Variants in CMTM4 observed in about 807,000 individuals in gnomAD.
The protein encoded by CMTM4 is CKLF-like MARVEL transmembrane domain-containing protein 4.
In CMTM4, 8 loss-of-function variants were observed where a neutral mutation model predicts 19.0. The observed-to-expected ratio is 0.42, with a 90% CI of 0.25 to 0.76. The LOEUF (loss-of-function observed/expected upper bound fraction) is 0.76. Among genes scored for constraint, CMTM4 ranks in the 30% least tolerant of loss-of-function variants. The pLI, the probability that CMTM4 is intolerant of heterozygous loss-of-function variation, is 0.27. For missense variants in CMTM4, 228 were observed against 290.2 expected, an observed-to-expected ratio of 0.79 and a Z score of 1.56; for synonymous variants, 106 against 121.1, an observed-to-expected ratio of 0.88 and a Z score of 0.82.
In CMTM4 at chr16:66,636,520, C is replaced by A. The variant is rs1268546730; in HGVS notation, c.248G>T (p.Gly83Val). Residue 83 changes from glycine to valine, a missense_variant, in exon 2 of 4, where the codon GGC (glycine) becomes GTC (valine). By Grantham distance (109) the Gly-to-Val change is moderately radical. Coordinates refer to ENST00000394106, the MANE Select transcript of CMTM4 (RefSeq NM_181521.3). ...ETIMACSPCE[G>V]LYFFEFVSCS... Reference sequence around the variant, plus strand: ...GCTCACAAACTCAAAAAAGTAGAGGCCTTCACACGGGGAGCATGCCATGAT... The same window carrying A: ...GCTCACAAACTCAAAAAAGTAGAGGACTTCACACGGGGAGCATGCCATGAT... 1 of 1,614,104 alleles carries A rather than the reference C, an allele frequency of 6.2e-7. No individual in the cohort carries two copies. The highest frequency in any genetic ancestry group is 2.2e-5 in the East Asian group (1 of 44,876).
chr16:66,668,872 T>G (rs1222347850), intron 1 of CMTM4, among the ~76,000 whole-genome samples: 2 of 152,212 alleles, frequency 1.3e-5, no homozygotes, highest in Non-Finnish European at 2.9e-5. Context: ...CGACTGGAAC[T>G]CCCATGTACT....
intron 1 of CMTM4, among the ~76,000 whole-genome samples, chr16:66,671,153 C>G (rs765874309): frequency 6.6e-6 from 1 of 152,140 alleles, no homozygotes; most frequent in Non-Finnish European, 1.5e-5. Flanking sequence ...AGCTCCTTGA[C>G]GTAAAGCAGC....
At chr16:66,667,270 A>T (rs2016614073) in intron 1 of CMTM4, among the ~76,000 whole-genome samples, 1 of 152,154 alleles carries the variant, frequency 6.6e-6, no homozygotes, top group South Asian at 2.1e-4. Context: ...AGCTACAGTG[A>T]GCTGAGATGG....
chr16:66,640,097 G>A (rs753823898), intron 1 of CMTM4, among the ~76,000 whole-genome samples: 6 of 152,072 alleles, frequency 3.9e-5, no homozygotes, highest in Non-Finnish European at 8.8e-5. Context: ...GCCGAGGCGG[G>A]TGGATCACAT....
intron 1 of CMTM4, among the ~76,000 whole-genome samples, chr16:66,644,815 T>C (rs536379057): frequency 3.9e-5 from 6 of 152,322 alleles, no homozygotes; most frequent in Admixed American, 6.5e-5. Context: ...CAACAGATGC[T>C]CAACTTCACT....
In CMTM4 at chr16:66,620,045, T is replaced by G. The variant is rs2015601060; in HGVS notation, c.*2013A>C. On this transcript the variant is annotated 3_prime_UTR_variant, in exon 4 of 4. Coordinates refer to ENST00000394106, the MANE Select transcript of CMTM4 (RefSeq NM_181521.3). ...TTTACTGAAGTGAGCTGGGAAAACTTGGGCAACAAGCCCACCTGAATGGTG... is the reference window on the plus strand; with the variant it reads ...TTTACTGAAGTGAGCTGGGAAAACTGGGGCAACAAGCCCACCTGAATGGTG... 2 of 985,404 alleles carry G rather than the reference T, an allele frequency of 2.0e-6. No homozygotes were observed. The highest frequency in any genetic ancestry group is 2.4e-6 in the Non-Finnish European group (2 of 829,916). 61.0% of individuals were successfully genotyped at this position (985,404 alleles called of 1,614,324 possible). A position where few individuals can be genotyped will look rare whatever the true frequency, so the allele number is the denominator to read the frequency against.
intron 1 of CMTM4, among the ~76,000 whole-genome samples, chr16:66,649,251 G>C (rs540165230): frequency 1.3e-5 from 2 of 152,026 alleles, no homozygotes; most frequent in Non-Finnish European, 2.9e-5. Context: ...AGGTGGGTGT[G>C]GACATTTGCC....
intron 1 of CMTM4, among the ~76,000 whole-genome samples, chr16:66,653,757 C>A (rs1385361916): frequency 6.6e-6 from 1 of 152,182 alleles, no homozygotes; most frequent in Non-Finnish European, 1.5e-5. Flanking sequence ...GTTTTTAAGA[C>A]AGAGTCTTGC....
intron 1 of CMTM4, among the ~76,000 whole-genome samples, chr16:66,650,819 T>C (rs2016296298): frequency 6.6e-6 from 1 of 151,940 alleles, no homozygotes; most frequent in Non-Finnish European, 1.5e-5. Context: ...ATTTACAGAG[T>C]AAAAACATGG....
chr16:66,672,756 C>T (rs1363182809), intron 1 of CMTM4, among the ~76,000 whole-genome samples: 8 of 150,668 alleles, frequency 5.3e-5, no homozygotes, highest in Non-Finnish European at 8.9e-5. Context: ...ATTACAGGCA[C>T]GTGCCACCAC....
At chr16:66,666,456 AAAAAT>A (rs915730149) in intron 1 of CMTM4, among the ~76,000 whole-genome samples, 2 of 152,206 alleles carry the variant, frequency 1.3e-5, no homozygotes, top group African/African-American at 4.8e-5. Flanking sequence ...CTGTCTCAAA[AAAAAT>A]AAAATAAAAT....
In CMTM4 at chr16:66,621,642, G is replaced by T; in HGVS notation, c.*416C>A. The T allele has an allele frequency of 9.9e-7, 1 of 1,005,702 alleles. No homozygotes were observed. The highest frequency in any genetic ancestry group is 1.2e-6 in the Non-Finnish European group (1 of 840,750). The allele number at this position is 1,005,702 out of a possible 1,614,324, so 62.3% of individuals were successfully genotyped here. A position where few individuals can be genotyped will look rare whatever the true frequency, so the allele number is the denominator to read the frequency against. ...GACTCAACACTGACTTGGAGCAGGTGGTGCCTAAGGCTGCCTGAGAACCAC... is the reference window on the plus strand; with the variant it reads ...GACTCAACACTGACTTGGAGCAGGTTGTGCCTAAGGCTGCCTGAGAACCAC... On this transcript the variant is annotated 3_prime_UTR_variant, in exon 4 of 4. Coordinates refer to ENST00000394106, the MANE Select transcript of CMTM4 (RefSeq NM_181521.3).
At chr16:66,683,169 A>ATATG (rs1567432166) in intron 1 of CMTM4, among the ~76,000 whole-genome samples, 9 of 84,454 alleles carry the variant, frequency 1.1e-4, no homozygotes, top group South Asian at 5.3e-4. Flanking sequence ...ACGTATATAT[A>ATATG]TATATACATA....
intron 1 of CMTM4, among the ~76,000 whole-genome samples, chr16:66,688,057 G>A (rs1244830793): frequency 6.6e-6 from 1 of 152,122 alleles, no homozygotes; most frequent in Non-Finnish European, 1.5e-5. Context: ...AGATCCAGGT[G>A]CCAGCAGATT....
intron 1 of CMTM4, among the ~76,000 whole-genome samples, chr16:66,683,158 TAC>T (rs2016955348): frequency 2.0e-4 from 24 of 117,854 alleles, no homozygotes; most frequent in African/African-American, 5.8e-4. Flanking sequence ...TATATATATA[TAC>T]GTATATATAT....
rs767891322 is a variant in CMTM4 at position 66,617,350 on chromosome 16, T to C, written c.*4708A>G. 3.1e-6 allele frequency: 5 copies of C among 1,612,036 alleles called. No homozygotes were observed. Among genetic ancestry groups the C allele is most frequent in the East Asian group, 2.2e-5 (1 of 44,826 alleles). On this transcript the variant is annotated 3_prime_UTR_variant, in exon 4 of 4. Transcript: ENST00000394106. ...TTTCCTTACTGTTACGTTTGTGGAGTAGGAAAAACTAGAAAGGAAAAAAAA... is the reference window on the plus strand; with the variant it reads ...TTTCCTTACTGTTACGTTTGTGGAGCAGGAAAAACTAGAAAGGAAAAAAAA...
chr16:66,634,074 T>C (rs1241788573), intron 2 of CMTM4, among the ~76,000 whole-genome samples: 2 of 152,002 alleles, frequency 1.3e-5, no homozygotes, highest in African/African-American at 4.8e-5. Flanking sequence ...GACATGGTAG[T>C]GTGGTAGTCA....
intron 1 of CMTM4, among the ~76,000 whole-genome samples, chr16:66,638,415 T>C (rs910785639): frequency 6.6e-6 from 1 of 152,258 alleles, no homozygotes; most frequent in Non-Finnish European, 1.5e-5. Flanking sequence ...CCTAACAATA[T>C]GTGGTCTTTT....
At chr16:66,665,264 A>T (rs1416186843) in intron 1 of CMTM4, among the ~76,000 whole-genome samples, 17 of 5,300 alleles carry the variant, frequency 3.2e-3, no homozygotes, top group African/African-American at 5.4e-3. Flanking sequence ...CTGTTTCTTA[A>T]AAAAAAAAAA....
Sources: gnomAD v4.1 joint callset for allele counts (sites outside exome capture counted in the v4.1 genomes callset) on GRCh38, gnomAD v4.1.1 for gene constraint, MANE v1.5 for transcripts, NCBI Gene and HGNC (gene_info 2026-07-23, HGNC 2026-07-21) for gene names.